Variants in MUC4 observed in about 807,000 individuals in gnomAD.
MUC4 encodes mucin-4.
A neutral mutation model predicts 257.9 loss-of-function variants in MUC4; 202 were observed. That is an observed-to-expected ratio of 0.78 (90% CI 0.70 to 0.88). The LOEUF is 0.88. Among genes scored for constraint, MUC4 ranks in the 40% least tolerant of loss-of-function variants. The pLI, the probability that MUC4 is intolerant of heterozygous loss-of-function variation, is 0.00. For synonymous variants in MUC4, 2,351 were observed against 2,757.1 expected, an observed-to-expected ratio of 0.85 and a Z score of 4.62; for missense variants, 5,976 against 6,513.7, an observed-to-expected ratio of 0.92 and a Z score of 2.84.
intron 1 of MUC4, among the ~76,000 whole-genome samples, chr3:195,798,412 A>AT (rs2149060025): frequency 6.6e-6 from 1 of 152,296 alleles, no homozygotes; most frequent in African/African-American, 2.4e-5. Flanking sequence ...TTTAAAAAAT[A>AT]TATAGTTTAG....
rs905870542 is a variant in MUC4 at position 195,764,530 on chromosome 3, G to A, written c.13925-366C>T. The stretch of plus-strand genomic sequence containing the variant: ...AGAGCCAAGTACTGCTGCTCTCAAC[G>A]TGCTGGGAGTGGGGAGGGCACGGCT... On this transcript the variant is annotated intron_variant, in intron 10 of 24. Transcript: ENST00000463781. Among the ~76,000 whole-genome samples the A allele has an allele frequency of 5.3e-5, 8 of 152,166 alleles. 1 individual carries two copies. The highest frequency in any genetic ancestry group is 1.9e-4 in the East Asian group (1 of 5,200).
At chr3:195,751,646 G>T in intron 21 of MUC4, 2 of 357,336 alleles carry the variant, frequency 5.6e-6, no homozygotes, top group East Asian at 5.5e-5. Flanking sequence ...GGGGTGTCAA[G>T]GTGACTTAGG....
intron 23 of MUC4, 188 bp downstream of exon 23, chr3:195,750,701 G>C: frequency 3.2e-6 from 2 of 620,482 alleles, no homozygotes; most frequent in Non-Finnish European, 5.6e-6. Flanking sequence ...GTATACGTGT[G>C]ACTGCCTCAG....
At chr3:195,770,137 G>T in intron 6 of MUC4, 79 bp downstream of exon 6, 1 of 1,357,768 alleles carries the variant, frequency 7.4e-7, no homozygotes, top group Non-Finnish European at 9.7e-7. Flanking sequence ...AGAGGATTTT[G>T]GAAGAGTGGC....
chr3:195,758,465 A>C (rs1718095214), intron 17 of MUC4, among the ~76,000 whole-genome samples: 1 of 152,220 alleles, frequency 6.6e-6, no homozygotes, highest in Non-Finnish European at 1.5e-5. Flanking sequence ...AAAATGTTGT[A>C]AATTGGTCAT....
intron 14 of MUC4, 77 bp downstream of exon 14, chr3:195,762,010 G>T: frequency 6.8e-7 from 1 of 1,466,448 alleles, no homozygotes; most frequent in Non-Finnish European, 9.1e-7. Context: ...GAGCAGGGCT[G>T]CCCGGGCCGC....
At chr3:195,751,305 G>A in intron 21 of MUC4, 34 bp from the exon 22 acceptor site, 1 of 1,530,400 alleles carries the variant, frequency 6.5e-7, no homozygotes, top group Non-Finnish European at 9.0e-7. Context: ...GGGTGGGGGT[G>A]AGGCCCCATC....
rs1465229811 is a variant in MUC4 at position 195,810,637 on chromosome 3, C to T, written c.82+1099G>A. Reference sequence around the variant, plus strand: ...CCCGAGCTCAGAGGTAAGAAGCCCACGGCCAGCACCTCCCGGCCCTCTGCG... The same window carrying T: ...CCCGAGCTCAGAGGTAAGAAGCCCATGGCCAGCACCTCCCGGCCCTCTGCG... On this transcript the variant is annotated intron_variant, in intron 1 of 24. Coordinates refer to ENST00000463781, the MANE Select transcript of MUC4 (RefSeq NM_018406.7). The surrounding 1 kb of genome is among the most constrained non-coding windows in gnomAD (Gnocchi z 4.2). 2.0e-5 allele frequency among the ~76,000 whole-genome samples: 3 copies of T among 152,178 alleles called. No individual in the cohort carries two copies. The highest frequency in any genetic ancestry group is 7.2e-5 in the African/African-American group (3 of 41,444).
chr3:195,811,886 AGACGTGAGCC>A lies in MUC4; in HGVS notation c.-79_-70del. 6.7e-7 allele frequency: 1 copy of A among 1,490,312 alleles called. No homozygotes were observed. Among genetic ancestry groups the A allele is most frequent in the Non-Finnish European group, 9.3e-7 (1 of 1,076,532 alleles). The allele number at this position is 1,490,312 out of a possible 1,614,324, so 92.3% of individuals were successfully genotyped here. A position where few individuals can be genotyped will look rare whatever the true frequency, so the allele number is the denominator to read the frequency against. On this transcript the variant is annotated 5_prime_UTR_variant, in exon 1 of 25. Transcript: ENST00000463781. ...GCCCAGCAGCTGCAGTGTGAGGAGCAGACGTGAGCCCGTCCCCTCAGGCGGCTGGCCCGAA... is the reference window on the plus strand; with the variant it reads ...GCCCAGCAGCTGCAGTGTGAGGAGCACGTCCCCTCAGGCGGCTGGCCCGAA...
At position 195,782,042 on chromosome 3, in the gene MUC4, C is replaced by T. The variant is rs1330284932; in HGVS notation, c.9538G>A (p.Gly3180Ser). Residue 3180 changes from glycine (G) to serine (S), a missense_variant, in exon 2 of 25, where the codon GGT (glycine) becomes AGT (serine). By Grantham distance (56) the Gly-to-Ser change is moderately conservative (BLOSUM62 0). Around this residue, in one of 44 missense-constraint regions of MUC4, gnomAD observed 28 missense variants for 79.1 expected, o/e 0.35. Transcript: ENST00000463781. Reference protein sequence around the residue: ...PVTSLSSVSTGDTTPLPVTSP... With the variant: ...PVTSLSSVSTSDTTPLPVTSP... ...GTGACAGGAAGAGGCGTGGTGTCAC[C>T]TGTGGATACTGAGGAAAGGCTGGTG... 7.1e-5 allele frequency: 107 copies of T among 1,500,090 alleles called. No homozygotes were observed. In the Admixed American group the frequency reaches 2.1e-3, roughly 30 times the overall value. 92.9% of individuals were successfully genotyped at this position (1,500,090 alleles called of 1,614,324 possible). A position where few individuals can be genotyped will look rare whatever the true frequency, so the allele number is the denominator to read the frequency against.
At chr3:195,808,900 T>A (rs1736334834) in intron 1 of MUC4, among the ~76,000 whole-genome samples, 1 of 152,088 alleles carries the variant, frequency 6.6e-6, no homozygotes, top group Non-Finnish European at 1.5e-5. Context: ...GACCGGGGGT[T>A]CTCCGAGGAG....
chr3:195,754,976 A>G (rs1452101328), intron 18 of MUC4, among the ~76,000 whole-genome samples: 2 of 152,040 alleles, frequency 1.3e-5, no homozygotes. Context: ...GTATGTATCC[A>G]TGTGTGTATG....
In MUC4 at chr3:195,789,920, T is replaced by C. The variant is rs1270809167; in HGVS notation, c.1660A>G (p.Thr554Ala). 1.2e-6 allele frequency: 2 copies of C among 1,613,740 alleles called. No individual in the cohort carries two copies. The highest frequency in any genetic ancestry group is 3.3e-5 in the Admixed American group (2 of 59,998). ...CCTGCCCCTGTTGTTTTTGGGAGAG[T>C]TGTGCTGTGGGAGGAGTATGTGGTG... is the stretch of plus-strand genomic sequence containing the variant. ...EPTTYSSHST[T>A]LPKTTGAGAQ... Residue 554 changes from threonine to alanine, a missense_variant, in exon 2 of 25, where the codon ACT becomes GCT. Around this residue, in one of 44 missense-constraint regions of MUC4, gnomAD observed 1,583 missense variants for 1,257.4 expected, o/e 1.26. Coordinates refer to ENST00000463781, the MANE Select transcript of MUC4 (RefSeq NM_018406.7).
chr3:195,784,705 G>C lies in MUC4; in HGVS notation c.6875C>G (p.Thr2292Ser), dbSNP rs764170400. 6 of 1,407,776 alleles carry C rather than the reference G, an allele frequency of 4.3e-6. 1 individual carries two copies. Among genetic ancestry groups the C allele is most frequent in the Non-Finnish European group, 5.6e-6 (6 of 1,063,340 alleles). 87.2% of individuals were successfully genotyped at this position (1,407,776 alleles called of 1,614,324 possible). Residue 2292 changes from threonine to serine, a missense_variant, in exon 2 of 25, where the codon ACT becomes AGT. Around this residue, in one of 44 missense-constraint regions of MUC4, gnomAD observed 62 missense variants for 74.0 expected, o/e 0.84. Coordinates refer to ENST00000463781, the MANE Select transcript of MUC4 (RefSeq NM_018406.7). ...ACCTGTGGATGCTGAGGAAGGGCTA[G>C]TGACAGGAAGAGGAGTGGTGTCACC... ...STGDTTPLPVTSPSSASTGHA... is the reference protein window; with the variant it reads ...STGDTTPLPVSSPSSASTGHA...
At chr3:195,764,253 AGGGCGGTGTTGGT>A in intron 10 of MUC4, 89 bp from the exon 11 acceptor site, 2 of 1,084,206 alleles carry the variant, frequency 1.8e-6, no homozygotes, top group South Asian at 3.8e-5. Context: ...TTGGCAGGGC[AGGGCGGTGTTGGT>A]GGAGAGCTTG....
Position 195,784,243 on chromosome 3 carries a change from GCATGA to G in MUC4, c.7332_7336del (p.Ala2446ProfsTer14). On this transcript the variant is annotated frameshift_variant, in exon 2 of 25. Transcript: ENST00000463781. LOFTEE classifies it high-confidence loss of function. ...AGTGCTGGTGACAGGAAGAGGGGTG[GCATGA>G]CCTGTGGATGCCGAGGAAACGTTGG... 7.3e-7 allele frequency: 1 copy of G among 1,373,208 alleles called. No individual in the cohort carries two copies. The highest frequency in any genetic ancestry group is 1.5e-5 in the African/African-American group (1 of 64,982). 85.1% of individuals were successfully genotyped at this position (1,373,208 alleles called of 1,614,324 possible). A position where few individuals can be genotyped will look rare whatever the true frequency, so the allele number is the denominator to read the frequency against.
Position 195,791,340 on chromosome 3 carries a change from C to A in MUC4, c.240G>T (p.Lys80Asn), listed in dbSNP as rs368187847. The change falls in exon 2 of 25, where the codon AAG becomes AAT. Residue 80 changes from lysine (K) to asparagine (N), a missense_variant. Transcript: ENST00000463781. ...ISASSQNHQTKSTETTSKAQT... is the reference protein window; with the variant it reads ...ISASSQNHQTNSTETTSKAQT... ...GAGCTTTGCTGGTGGTCTCCGTGCT[C>A]TTAGTCTGGTGGTTCTGAGATGAAG... 8.7e-6 allele frequency: 14 copies of A among 1,613,784 alleles called. No homozygotes were observed. The African/African-American group carries it at 1.9e-4, about 22-fold the overall frequency.
intron 5 of MUC4, 177 bp from the exon 6 acceptor site, chr3:195,770,548 G>C (rs1373621397): frequency 1.5e-6 from 1 of 682,370 alleles, no homozygotes; most frequent in Non-Finnish European, 2.5e-6. Context: ...ATTCAAACTT[G>C]GGCTGCAGGA....
At chr3:195,805,537 G>T (rs1201921789) in intron 1 of MUC4, among the ~76,000 whole-genome samples, 1 of 152,192 alleles carries the variant, frequency 6.6e-6, no homozygotes, top group African/African-American at 2.4e-5. Flanking sequence ...CCTCTCCACA[G>T]TGGTTAGCCT....
Sources: gnomAD v4.1 joint callset for allele counts (sites outside exome capture counted in the v4.1 genomes callset) on GRCh38, gnomAD v4.1.1 for gene constraint, gnomAD v4.1.1 regional missense constraint, Gnocchi (gnomAD v3.1) non-coding constraint, MANE v1.5 for transcripts, NCBI Gene and HGNC (gene_info 2026-07-23, HGNC 2026-07-21) for gene names.